TTC29: variants seen among roughly 807,000 people sequenced by gnomAD.
TTC29 encodes tetratricopeptide repeat protein 29.
A neutral mutation model predicts 58.1 loss-of-function variants in TTC29; 49 were observed. The observed-to-expected ratio is 0.84, with a 90% CI of 0.67 to 1.07. The LOEUF (loss-of-function observed/expected upper bound fraction) is 1.07, where lower values mean the gene tolerates loss of function less well. TTC29 is among the 50% of genes least tolerant of loss of function. The probability of loss-of-function intolerance (pLI) is 0.00; values close to 1 mark genes in which losing one functional copy is unlikely to be tolerated. For synonymous variants in TTC29, 209 were observed against 196.8 expected (o/e 1.06, Z -0.52); for missense variants, 582 against 555.6 (o/e 1.05, Z -0.48).
At chr4:146,849,925 G>A (rs749009290) in intron 8 of TTC29, among the ~76,000 whole-genome samples, 3 of 152,154 alleles carry the variant, frequency 2.0e-5, no homozygotes, top group Non-Finnish European at 2.9e-5. Context: ...AGCCTTCTCT[G>A]ATCACCCATT....
chr4:146,931,601 A>G (rs964994012), intron 4 of TTC29, among the ~76,000 whole-genome samples: 1 of 152,228 alleles, frequency 6.6e-6, no homozygotes, highest in Non-Finnish European at 1.5e-5. Flanking sequence ...TTTCAACCAC[A>G]GAAGGAATCA....
intron 11 of TTC29, among the ~76,000 whole-genome samples, chr4:146,734,039 G>C (rs1744537705): frequency 6.6e-6 from 1 of 152,148 alleles, no homozygotes; most frequent in Non-Finnish European, 1.5e-5. Context: ...AGAAATGTTA[G>C]ACAACTGGCC....
At chr4:146,820,335 A>T in intron 9 of TTC29, 87 bp from the exon 10 acceptor site, 1 of 1,399,374 alleles carries the variant, frequency 7.1e-7, no homozygotes, top group Admixed American at 2.5e-5. Flanking sequence ...TTTGCTGTAG[A>T]AAATGCAAGA....
At chr4:146,831,661 C>T (rs1031234324) in intron 9 of TTC29, 1 of 418,988 alleles carries the variant, frequency 2.4e-6, no homozygotes, top group East Asian at 7.2e-5. Context: ...CAAAATTCAC[C>T]AGATAATTGT....
In TTC29 at chr4:146,909,055, A is replaced by G. The variant is rs1733715218; in HGVS notation, c.371T>C (p.Leu124Pro). The change falls in exon 5 of 13, where the codon CTG becomes CCG. Residue 124 changes from leucine to proline, a missense_variant. Leu to Pro is a moderately conservative substitution (Grantham distance 98). Coordinates refer to ENST00000325106, the MANE Select transcript of TTC29 (RefSeq NM_031956.4). ...CCTCTCAGCGTCCTCAGCCCTGGTC[A>G]GGTAATGGTACAGGTAATCCAGTTT... ...PDKLDYLYHYLTRAEDAERKE... is the reference protein window; with the variant it reads ...PDKLDYLYHYPTRAEDAERKE... The G allele has an allele frequency of 2.5e-6, 4 of 1,613,908 alleles. No individual in the cohort carries two copies. Among genetic ancestry groups the G allele is most frequent in the Non-Finnish European group, 3.4e-6 (4 of 1,179,838 alleles).
intron 10 of TTC29, among the ~76,000 whole-genome samples, chr4:146,818,799 T>C (rs1028854940): frequency 1.3e-5 from 2 of 151,904 alleles, no homozygotes; most frequent in African/African-American, 2.4e-5. Context: ...ATGGATGAAA[T>C]TGGAAATCAT....
At chr4:146,926,456 A>T (rs1322481539) in intron 4 of TTC29, among the ~76,000 whole-genome samples, 1 of 152,038 alleles carries the variant, frequency 6.6e-6, no homozygotes, top group Non-Finnish European at 1.5e-5. Context: ...GCTGTGTAAT[A>T]CAAAGGTTTT....
chr4:146,836,175 CA>C (rs1561173086), intron 8 of TTC29, among the ~76,000 whole-genome samples: 1 of 152,086 alleles, frequency 6.6e-6, no homozygotes, highest in Non-Finnish European at 1.5e-5. Flanking sequence ...GATATTAGGA[CA>C]AGAATTATTT....
chr4:146,882,728 G>T (rs1435086512), intron 6 of TTC29, among the ~76,000 whole-genome samples: 2 of 152,114 alleles, frequency 1.3e-5, no homozygotes, highest in Non-Finnish European at 2.9e-5. Flanking sequence ...CGAAGTATCA[G>T]TATTGATTAT....
intron 11 of TTC29, among the ~76,000 whole-genome samples, chr4:146,712,710 T>C (rs954018016): frequency 6.6e-5 from 10 of 152,180 alleles, no homozygotes; most frequent in Admixed American, 2.0e-4. Flanking sequence ...GAAGGGACTA[T>C]TAAGAGATGA....
At chr4:146,803,067 C>A (rs910384463) in intron 11 of TTC29, among the ~76,000 whole-genome samples, 1 of 152,002 alleles carries the variant, frequency 6.6e-6, no homozygotes, top group South Asian at 2.1e-4. Flanking sequence ...GTAAAGTAAG[C>A]GCATAAAACA....
chr4:146,810,398 T>C (rs549574131), intron 10 of TTC29, among the ~76,000 whole-genome samples: 2 of 152,144 alleles, frequency 1.3e-5, no homozygotes, highest in East Asian at 3.9e-4. Flanking sequence ...GAACTTAAAG[T>C]ATATATAAAA....
chr4:146,824,313 G>A (rs773339664), intron 9 of TTC29, among the ~76,000 whole-genome samples: 2 of 152,104 alleles, frequency 1.3e-5, no homozygotes, highest in Non-Finnish European at 1.5e-5. Context: ...TAACATGAAG[G>A]GGTGTTGTAT....
At chr4:146,790,447 A>C (rs907065717) in intron 11 of TTC29, among the ~76,000 whole-genome samples, 1 of 151,894 alleles carries the variant, frequency 6.6e-6, no homozygotes, top group Non-Finnish European at 1.5e-5. Flanking sequence ...TCAGCTTCCC[A>C]AAGTGCTGAG....
intron 10 of TTC29, among the ~76,000 whole-genome samples, chr4:146,819,045 C>T (rs898914652): frequency 7.7e-4 from 117 of 151,074 alleles, no homozygotes; most frequent in African/African-American, 2.7e-3. Context: ...GCATGGCACA[C>T]GTATACATAT....
At chr4:146,737,499 G>C (rs1237223194) in intron 11 of TTC29, among the ~76,000 whole-genome samples, 1 of 149,826 alleles carries the variant, frequency 6.7e-6, no homozygotes, top group Non-Finnish European at 1.5e-5. Context: ...TTCCCAGCGA[G>C]AGAGATAGAG....
intron 8 of TTC29, among the ~76,000 whole-genome samples, chr4:146,846,905 A>G (rs570475518): frequency 2.2e-4 from 34 of 152,312 alleles, no homozygotes; most frequent in African/African-American, 7.9e-4. Flanking sequence ...TGTCTGTACA[A>G]TTTGATATCC....
intron 11 of TTC29, among the ~76,000 whole-genome samples, chr4:146,744,141 GT>G (rs1286559845): frequency 6.6e-6 from 1 of 152,112 alleles, no homozygotes; most frequent in Non-Finnish European, 1.5e-5. Context: ...AGTGTATCTG[GT>G]TTTTATTCAT....
At chr4:146,843,158 A>C (rs547731296) in intron 8 of TTC29, among the ~76,000 whole-genome samples, 1 of 152,292 alleles carries the variant, frequency 6.6e-6, no homozygotes, top group African/African-American at 2.4e-5. Context: ...GTGGAAGATA[A>C]TACACATGAA....
Sources: allele counts gnomAD v4.1 joint callset (sites outside exome capture counted in the v4.1 genomes callset), GRCh38; gene constraint gnomAD v4.1.1; transcripts MANE v1.5; gene names NCBI Gene and HGNC (gene_info 2026-07-23, HGNC 2026-07-21).